Variants in MAP2K4 observed in about 807,000 individuals in gnomAD.
MAP2K4 encodes the protein mitogen-activated protein kinase kinase 4.
In MAP2K4, 4 loss-of-function variants were observed where a neutral mutation model predicts 48.5. That is an observed-to-expected ratio of 0.08 (90% confidence interval 0.04 to 0.19). MAP2K4 has a LOEUF of 0.19. Among genes scored for constraint, MAP2K4 ranks in the 10% least tolerant of loss-of-function variants. MAP2K4 has a pLI of 1.00. For missense variants in MAP2K4, 258 were observed against 493.3 expected, an observed-to-expected ratio of 0.52 and a Z score of 4.52; for synonymous variants, 166 against 173.1, an observed-to-expected ratio of 0.96 and a Z score of 0.32.
chr17:12,110,337 A>C (rs1972262787), intron 5 of MAP2K4, 38 bp from the exon 6 acceptor site: 1 of 1,460,656 alleles, frequency 6.8e-7, no homozygotes, highest in African/African-American at 1.4e-5. Flanking sequence ...AATAAAAAGA[A>C]ACAAGTTGTT....
In MAP2K4 at chr17:12,141,672, G is replaced by GA; in HGVS notation, c.*415dup. On this transcript the variant is annotated 3_prime_UTR_variant, in exon 11 of 11. Coordinates refer to ENST00000353533, the MANE Select transcript of MAP2K4 (RefSeq NM_003010.4). The stretch of plus-strand genomic sequence containing the variant: ...GATGAATGTACTATGTCTGAACATA[G>GA]AAACTCGGGCTTGAGTGAGAAGAGC... 1 of 246,342 alleles carries GA rather than the reference G, an allele frequency of 4.1e-6. No individual in the cohort carries two copies. The highest frequency in any genetic ancestry group is 7.9e-6 in the Non-Finnish European group (1 of 126,032). The allele number at this position is 246,342 out of a possible 1,614,324, so 15.3% of individuals were successfully genotyped here.
At position 12,129,153 on chromosome 17, in the gene MAP2K4, A is replaced by G. The variant is rs1257388026; in HGVS notation, c.906A>G (p.Thr302=). The change falls in exon 9 of 11, where the codon ACA becomes ACG. Residue 302 remains threonine, a synonymous_variant. Coordinates refer to ENST00000353533, the MANE Select transcript of MAP2K4 (RefSeq NM_003010.4). ...GTTCTCTTTAGTATGAGTTGGCCAC[A>G]GGCCGATTTCCTTATCCAAAGTGGA... is the stretch of plus-strand genomic sequence containing the variant. ...SLGITLYELA[T]GRFPYPKWNS... is the part of the protein sequence containing the mutation. 6 of 1,613,868 alleles carry G rather than the reference A, an allele frequency of 3.7e-6. No homozygotes were observed. Among genetic ancestry groups the G allele is most frequent in the Non-Finnish European group, 4.2e-6 (5 of 1,179,996 alleles).
At chr17:12,088,806 T>C (rs2151555616) in intron 3 of MAP2K4, among the ~76,000 whole-genome samples, 2 of 151,304 alleles carry the variant, frequency 1.3e-5, no homozygotes, top group African/African-American at 4.8e-5. Flanking sequence ...ACAACTGTCA[T>C]CATAGGGAGC....
intron 7 of MAP2K4, 49 bp from the exon 8 acceptor site, chr17:12,125,245 T>A (rs746747232): frequency 7.2e-7 from 1 of 1,397,504 alleles, no homozygotes; most frequent in Non-Finnish European, 1.0e-6. Context: ...ATTTGCCTAT[T>A]CCTTGAGTGT....
chr17:12,035,432 G>A (rs1446192679), intron 1 of MAP2K4, among the ~76,000 whole-genome samples: 5 of 152,164 alleles, frequency 3.3e-5, no homozygotes, highest in African/African-American at 4.8e-5. Context: ...CAGGAGAATC[G>A]CTGAACCTGG....
At chr17:12,102,060 T>C (rs1597468327) in intron 4 of MAP2K4, among the ~76,000 whole-genome samples, 1 of 152,098 alleles carries the variant, frequency 6.6e-6, no homozygotes, top group African/African-American at 2.4e-5. Flanking sequence ...ACAGTGAGAG[T>C]AGACATCCTT....
At chr17:12,100,445 A>G (rs1353757643) in intron 4 of MAP2K4, among the ~76,000 whole-genome samples, 1 of 152,022 alleles carries the variant, frequency 6.6e-6, no homozygotes, top group Non-Finnish European at 1.5e-5. Context: ...CAGATCTATC[A>G]GTTTGTTACT....
chr17:12,036,739 A>G (rs1199829943), intron 1 of MAP2K4: 1 of 151,528 alleles, frequency 6.6e-6, no homozygotes, highest in East Asian at 1.9e-4. Context: ...ATCGTGACTC[A>G]TTTAAAGATC....
At chr17:12,091,950 T>C (rs2151558419) in intron 3 of MAP2K4, among the ~76,000 whole-genome samples, 1 of 152,310 alleles carries the variant, frequency 6.6e-6, no homozygotes. Flanking sequence ...GTGGATTCTT[T>C]TTCAAGAAAC....
chr17:12,143,472 G>A lies in MAP2K4; in HGVS notation c.*2212G>A, dbSNP rs1389911014. 4.3e-6 allele frequency: 1 copy of A among 232,400 alleles called. No homozygotes were observed. Among genetic ancestry groups the A allele is most frequent in the African/African-American group, 2.2e-5 (1 of 45,390 alleles). 14.4% of individuals were successfully genotyped at this position (232,400 alleles called of 1,614,324 possible). A position where few individuals can be genotyped will look rare whatever the true frequency, so the allele number is the denominator to read the frequency against. On this transcript the variant is annotated 3_prime_UTR_variant, in exon 11 of 11. Transcript: ENST00000353533. ...ATAGTGTAAGAACTGTACATTGTGA[G>A]CTCTGGTTATTTTTCTCTTGTACCA...
At chr17:12,106,929 A>G (rs895516283) in intron 4 of MAP2K4, among the ~76,000 whole-genome samples, 2 of 151,742 alleles carry the variant, frequency 1.3e-5, no homozygotes, top group African/African-American at 2.4e-5. Flanking sequence ...CTCGGTTTCT[A>G]GTTTTGTTTT....
At chr17:12,074,180 C>A (rs866528520) in intron 2 of MAP2K4, among the ~76,000 whole-genome samples, 9 of 151,928 alleles carry the variant, frequency 5.9e-5, no homozygotes, top group Non-Finnish European at 1.3e-4. Flanking sequence ...ATATATGGAA[C>A]GTGGTAAATG....
At chr17:12,140,028 C>A in intron 10 of MAP2K4, 144 bp downstream of exon 10, 1 of 542,312 alleles carries the variant, frequency 1.8e-6, no homozygotes, top group Admixed American at 3.1e-5. Flanking sequence ...TGTTTTTACA[C>A]AAAGATTTGG....
intron 1 of MAP2K4, among the ~76,000 whole-genome samples, chr17:12,039,078 C>CA (rs757929435): frequency 6.6e-6 from 1 of 152,154 alleles, no homozygotes; most frequent in Non-Finnish European, 1.5e-5. Flanking sequence ...GTTAGGAACA[C>CA]AGGGGATCTA....
chr17:12,074,444 T>C (rs1017456427), intron 2 of MAP2K4, among the ~76,000 whole-genome samples: 6 of 152,216 alleles, frequency 3.9e-5, no homozygotes, highest in African/African-American at 1.4e-4. Context: ...CAGATGAGAC[T>C]ACTCTAGAGC....
intron 7 of MAP2K4, among the ~76,000 whole-genome samples, chr17:12,121,864 A>G (rs1039089097): frequency 2.0e-5 from 3 of 152,176 alleles, no homozygotes; most frequent in Non-Finnish European, 2.9e-5. Context: ...CTTTTTTTTA[A>G]GCAGTTAAAA....
chr17:12,125,186 C>G lies in MAP2K4; in HGVS notation c.814-108C>G, dbSNP rs549771225. 6 of 772,694 alleles carry G rather than the reference C, an allele frequency of 7.8e-6. No individual in the cohort carries two copies. In the South Asian group the frequency reaches 8.4e-5, roughly 11 times the overall value. 47.9% of individuals were successfully genotyped at this position (772,694 alleles called of 1,614,324 possible). A position where few individuals can be genotyped will look rare whatever the true frequency, so the allele number is the denominator to read the frequency against. On this transcript the variant is annotated intron_variant, in intron 7 of 10. Transcript: ENST00000353533. ...TCCATTCTGACGCTAGACATGGATT[C>G]CTCTAGGAATATACTGGCATTTTGG...
chr17:12,046,872 T>C (rs1453305502), intron 1 of MAP2K4, among the ~76,000 whole-genome samples: 1 of 152,108 alleles, frequency 6.6e-6, no homozygotes, highest in East Asian at 1.9e-4. Context: ...GGAAGCGAGT[T>C]TTGGGCTTTT....
At chr17:12,037,691 G>A (rs1340206258) in intron 1 of MAP2K4, among the ~76,000 whole-genome samples, 1 of 152,060 alleles carries the variant, frequency 6.6e-6, no homozygotes, top group African/African-American at 2.4e-5. Context: ...CCGTAAGCCA[G>A]ACTAACATCT....
Sources: gnomAD v4.1 joint callset for allele counts (sites outside exome capture counted in the v4.1 genomes callset) on GRCh38, gnomAD v4.1.1 for gene constraint, MANE v1.5 for transcripts, NCBI Gene and HGNC (gene_info 2026-07-23, HGNC 2026-07-21) for gene names.